The following ATP8A2 variants were observed in gnomAD, a reference collection of about 807,000 sequenced individuals.
ATP8A2 encodes the protein phospholipid-transporting ATPase IB.
A neutral mutation model predicts 165.6 loss-of-function variants in ATP8A2; 100 were observed. That is an observed-to-expected ratio of 0.60 (90% CI 0.51 to 0.71). The LOEUF (loss-of-function observed/expected upper bound fraction) is 0.71, where lower values mean the gene tolerates loss of function less well. ATP8A2 is among the 30% of genes least tolerant of loss of function. ATP8A2 has a pLI of 0.00. For synonymous variants in ATP8A2, 543 were observed against 548.8 expected, an observed-to-expected ratio of 0.99 and a Z score of 0.15; for missense variants, 1,227 against 1,479.5, an observed-to-expected ratio of 0.83 and a Z score of 2.80.
chr13:25,768,081 G>C (rs12854163), intron 25 of ATP8A2, among the ~76,000 whole-genome samples: 22,585 of 133,438 alleles, frequency 0.17, 1,990 homozygotes, highest in Middle Eastern at 0.21. Context: ...TGGCGTGGGG[G>C]GGGGGTGGTG....
chr13:25,886,977 C>T (rs1189317903), intron 33 of ATP8A2, among the ~76,000 whole-genome samples: 1 of 152,184 alleles, frequency 6.6e-6, no homozygotes, highest in African/African-American at 2.4e-5. Flanking sequence ...TTTCCATATA[C>T]CAGCCAACAA....
intron 24 of ATP8A2, among the ~76,000 whole-genome samples, chr13:25,658,839 C>T (rs1238372487): frequency 6.6e-6 from 1 of 152,110 alleles, no homozygotes; most frequent in Non-Finnish European, 1.5e-5. Flanking sequence ...CTCAGAGCCA[C>T]CCCATAGTTT....
Position 25,429,089 on chromosome 13 carries a change from C to T in ATP8A2, c.77-39888C>T, listed in dbSNP as rs138139954. On this transcript the variant is annotated intron_variant, in intron 1 of 36. Transcript: ENST00000381655. The stretch of plus-strand genomic sequence containing the variant: ...AAGTCTAAAGAAATAATCTAGTGGC[C>T]GGGCACCGTGGCTCATGCCTGTAAT... Among the ~76,000 whole-genome samples the T allele has an allele frequency of 8.5e-3, 1,294 of 151,946 alleles. 20 individuals are homozygous for T. The highest frequency in any genetic ancestry group is 0.029 in the African/African-American group (1,196 of 41,432).
At chr13:25,855,368 T>TG (rs764473853) in intron 30 of ATP8A2, among the ~76,000 whole-genome samples, 2 of 152,174 alleles carry the variant, frequency 1.3e-5, no homozygotes, top group African/African-American at 2.4e-5. Context: ...TCCATAGAGA[T>TG]GGAATATGTG....
intron 8 of ATP8A2, 28 bp downstream of exon 8, chr13:25,540,416 G>T: frequency 6.6e-7 from 1 of 1,505,642 alleles, no homozygotes; most frequent in Non-Finnish European, 9.2e-7. Flanking sequence ...GACTTGTGTT[G>T]TTATGGTAGA....
chr13:25,928,932 G>A (rs2139061709), intron 33 of ATP8A2, among the ~76,000 whole-genome samples: 1 of 152,356 alleles, frequency 6.6e-6, no homozygotes, highest in Non-Finnish European at 1.5e-5. Context: ...CTGAGCTCAT[G>A]TGCTGAGTCG....
chr13:25,665,926 A>G (rs1217717496), intron 24 of ATP8A2, among the ~76,000 whole-genome samples: 1 of 148,758 alleles, frequency 6.7e-6, no homozygotes, highest in African/African-American at 2.4e-5. Flanking sequence ...AAATGAATAT[A>G]TAAATATATA....
At chr13:25,712,255 C>G (rs1363072066) in intron 25 of ATP8A2, among the ~76,000 whole-genome samples, 1 of 152,074 alleles carries the variant, frequency 6.6e-6, no homozygotes, top group Non-Finnish European at 1.5e-5. Flanking sequence ...ACAGAGTTCC[C>G]CATTAGAAAG....
At chr13:25,917,175 C>A (rs192449579) in intron 33 of ATP8A2, among the ~76,000 whole-genome samples, 6 of 152,310 alleles carry the variant, frequency 3.9e-5, no homozygotes, top group Non-Finnish European at 5.9e-5. Context: ...AAGTCATCCT[C>A]CAACCCAGGC....
intron 30 of ATP8A2, among the ~76,000 whole-genome samples, chr13:25,852,383 T>C (rs895725352): frequency 7.2e-5 from 11 of 152,098 alleles, no homozygotes; most frequent in African/African-American, 2.7e-4. Flanking sequence ...TTTAATAAAC[T>C]CTGGGCTAAT....
At chr13:25,938,869 G>C (rs576810944) in intron 33 of ATP8A2, among the ~76,000 whole-genome samples, 1 of 148,304 alleles carries the variant, frequency 6.7e-6, no homozygotes, top group East Asian at 2.0e-4. Context: ...TTGAAATGAA[G>C]TCTCACTCTA....
intron 24 of ATP8A2, among the ~76,000 whole-genome samples, chr13:25,681,379 A>T (rs2042484387): frequency 6.6e-6 from 1 of 152,218 alleles, no homozygotes; most frequent in Non-Finnish European, 1.5e-5. Context: ...TGAGTGTAGA[A>T]TTAAATGTTT....
chr13:25,662,626 G>A (rs1266809431), intron 24 of ATP8A2, among the ~76,000 whole-genome samples: 1 of 152,114 alleles, frequency 6.6e-6, no homozygotes, highest in Non-Finnish European at 1.5e-5. Flanking sequence ...CAATTATTCA[G>A]GGAAACATAA....
intron 1 of ATP8A2, among the ~76,000 whole-genome samples, chr13:25,410,156 A>G (rs1290044558): frequency 6.6e-6 from 1 of 151,928 alleles, no homozygotes; most frequent in African/African-American, 2.4e-5. Flanking sequence ...AGCGTCTCCC[A>G]TCAGCCATGG....
At chr13:25,847,907 C>G (rs1951907050) in intron 30 of ATP8A2, among the ~76,000 whole-genome samples, 1 of 152,156 alleles carries the variant, frequency 6.6e-6, no homozygotes, top group Non-Finnish European at 1.5e-5. Context: ...CAGGTGTTCC[C>G]TTTGCCCAGC....
chr13:25,610,368 G>A (rs1205032793), intron 24 of ATP8A2, among the ~76,000 whole-genome samples: 1 of 152,114 alleles, frequency 6.6e-6, no homozygotes, highest in African/African-American at 2.4e-5. Context: ...TTGTTGCAAA[G>A]GGTGTCCATT....
At chr13:25,628,372 C>G (rs2041155537) in intron 24 of ATP8A2, among the ~76,000 whole-genome samples, 1 of 152,144 alleles carries the variant, frequency 6.6e-6, no homozygotes, top group African/African-American at 2.4e-5. Flanking sequence ...TGTGGAATGT[C>G]TCTCCAAGCC....
intron 35 of ATP8A2, among the ~76,000 whole-genome samples, chr13:26,009,368 T>C (rs1425267971): frequency 2.0e-5 from 3 of 152,184 alleles, no homozygotes; most frequent in African/African-American, 7.2e-5. Context: ...GCTCACTCCC[T>C]GGACACCCTC....
intron 33 of ATP8A2, among the ~76,000 whole-genome samples, chr13:25,888,904 G>T (rs1953257885): frequency 6.6e-6 from 1 of 152,082 alleles, no homozygotes; most frequent in Admixed American, 6.5e-5. Flanking sequence ...TGTATAGAAG[G>T]AAATTTTATT....
Sources: allele counts gnomAD v4.1 joint callset (sites outside exome capture counted in the v4.1 genomes callset), GRCh38; gene constraint gnomAD v4.1.1; transcripts MANE v1.5; gene names NCBI Gene and HGNC (gene_info 2026-07-23, HGNC 2026-07-21).